Variants in BRCA1 observed in about 807,000 individuals in gnomAD.
BRCA1 encodes BRCA1 DNA repair associated, also known as breast cancer type 1 susceptibility protein.
In BRCA1, 140 loss-of-function variants were observed where a neutral mutation model predicts 173.7. That is an observed-to-expected ratio of 0.81 (90% CI 0.70 to 0.93). The LOEUF (loss-of-function observed/expected upper bound fraction) is 0.93, where lower values mean the gene tolerates loss of function less well. Among genes scored for constraint, BRCA1 ranks in the 40% least tolerant of loss-of-function variants. BRCA1 has a pLI of 0.00. For synonymous variants in BRCA1, 662 were observed against 756.0 expected, an observed-to-expected ratio of 0.88 and a Z score of 2.04; for missense variants, 1,983 against 2,172.5, an observed-to-expected ratio of 0.91 and a Z score of 1.73.
rs1050922820 is a variant in BRCA1 at position 43,049,036 on chromosome 17, C to T, written c.5406+85G>A. 1.9e-5 allele frequency: 24 copies of T among 1,297,254 alleles called. No homozygotes were observed. In the African/African-American group the frequency reaches 2.2e-4, roughly 12 times the overall value. The allele number at this position is 1,297,254 out of a possible 1,614,324, so 80.4% of individuals were successfully genotyped here. ...AAGACTTCTGAGGCTACAGTAGGGG[C>T]ATCCATAGGGACTGACAGGTGCCAG... On this transcript the variant is annotated intron_variant, in intron 21 of 22. Coordinates refer to ENST00000357654, the MANE Select transcript of BRCA1 (RefSeq NM_007294.4).
chr17:43,134,397 C>T (rs1206625963), intron 1 of BRCA1, among the ~76,000 whole-genome samples: 1 of 152,080 alleles, frequency 6.6e-6, no homozygotes, highest in Non-Finnish European at 1.5e-5. Flanking sequence ...TCCTAAAAAG[C>T]AGACAAGAGA....
intron 3 of BRCA1, 28 bp from the exon 4 acceptor site, chr17:43,106,561 A>C: frequency 1.4e-6 from 2 of 1,476,842 alleles, no homozygotes; most frequent in Non-Finnish European, 1.9e-6. Context: ...AGAAAGAACA[A>C]TTTAATTTAC....
intron 11 of BRCA1, among the ~76,000 whole-genome samples, chr17:43,088,223 T>C (rs906123058): frequency 6.6e-6 from 1 of 152,216 alleles, no homozygotes; most frequent in Non-Finnish European, 1.5e-5. Flanking sequence ...ATTTTCACAC[T>C]GTTGTGTTAC....
chr17:43,118,874 G>C (rs1317725769), intron 2 of BRCA1, among the ~76,000 whole-genome samples: 1 of 148,910 alleles, frequency 6.7e-6, no homozygotes, highest in Non-Finnish European at 1.5e-5. Context: ...AGTGATTCTT[G>C]TGCCTCAGCA....
Position 43,050,284 on chromosome 17 carries a change from T to C in BRCA1, c.5332+779A>G, listed in dbSNP as rs949274423. 208 of 391,112 alleles carry C rather than the reference T, an allele frequency of 5.3e-4. 1 individual carries two copies. The highest frequency in any genetic ancestry group is 8.1e-5 in the Non-Finnish European group (18 of 222,042). 24.2% of individuals were successfully genotyped at this position (391,112 alleles called of 1,614,324 possible). A position where few individuals can be genotyped will look rare whatever the true frequency, so the allele number is the denominator to read the frequency against. On this transcript the variant is annotated intron_variant, in intron 20 of 22. Coordinates refer to ENST00000357654, the MANE Select transcript of BRCA1 (RefSeq NM_007294.4). Reference sequence around the variant, plus strand: ...CTTTATAGCAGTCCTAAGCATAACATTGTATTAAGTGTCAAGTTTAATTAG... The same window carrying C: ...CTTTATAGCAGTCCTAAGCATAACACTGTATTAAGTGTCAAGTTTAATTAG...
chr17:43,049,035 G>A (rs2051063838), intron 21 of BRCA1, 86 bp downstream of exon 21: 3 of 1,282,752 alleles, frequency 2.3e-6, no homozygotes, highest in Admixed American at 1.8e-5. Flanking sequence ...TACAGTAGGG[G>A]CATCCATAGG....
Position 43,056,719 on chromosome 17 carries a change from G to T in BRCA1, c.5277+333C>A, listed in dbSNP as rs565025391. On this transcript the variant is annotated intron_variant, in intron 19 of 22. Transcript: ENST00000357654. ...AGAGAGCAAGAGAGAGAGAGAGAAA[G>T]ACACCCCAGTGAAGTGAAAAGAGCA... Among the ~76,000 whole-genome samples, 10 of 151,906 alleles carry T rather than the reference G, an allele frequency of 6.6e-5. No individual in the cohort carries two copies. The East Asian group carries it at 9.7e-4, about 15-fold the overall frequency.
chr17:43,083,310 G>A (rs1051388669), intron 11 of BRCA1, among the ~76,000 whole-genome samples: 3 of 151,730 alleles, frequency 2.0e-5, no homozygotes, highest in Non-Finnish European at 4.4e-5. Flanking sequence ...TGCTTGCCAA[G>A]ACGCCCGGCT....
intron 1 of BRCA1, among the ~76,000 whole-genome samples, chr17:43,134,016 C>G (rs1297547369): frequency 1.3e-5 from 2 of 152,220 alleles, no homozygotes; most frequent in Non-Finnish European, 2.9e-5. Flanking sequence ...CTGCTGGCCA[C>G]TTACCAGCCA....
Position 43,053,704 on chromosome 17 carries a change from G to A in BRCA1, c.5278-2587C>T, listed in dbSNP as rs6503725. ...AAATTTGAAGTTTCAGGCCGGGCGC[G>A]GTGGCCTGTAATCCTAGCACTTTGG... On this transcript the variant is annotated intron_variant, in intron 19 of 22. Coordinates refer to ENST00000357654, the MANE Select transcript of BRCA1 (RefSeq NM_007294.4). Among the ~76,000 whole-genome samples, 20,311 of 151,656 alleles carry A rather than the reference G, an allele frequency of 0.13. 4,289 individuals carry two copies. Among genetic ancestry groups the A allele is most frequent in the African/African-American group, 0.45 (18,594 of 41,358 alleles).
chr17:43,108,632 G>T (rs2054894863), intron 3 of BRCA1, among the ~76,000 whole-genome samples: 1 of 142,842 alleles, frequency 7.0e-6, no homozygotes, highest in Non-Finnish European at 1.5e-5. Flanking sequence ...TGGAACCCAG[G>T]ATGGCAGAGG....
At chr17:43,076,725 G>A in intron 12 of BRCA1, 111 bp from the exon 13 acceptor site, 1 of 1,367,020 alleles carries the variant, frequency 7.3e-7, no homozygotes, top group Non-Finnish European at 1.0e-6. Flanking sequence ...TACACAAATT[G>A]GTTTTTAAAC....
intron 18 of BRCA1, among the ~76,000 whole-genome samples, chr17:43,060,046 C>T (rs537555686): frequency 6.6e-6 from 1 of 152,104 alleles, no homozygotes; most frequent in Non-Finnish European, 1.5e-5. Flanking sequence ...GCTGTGATTA[C>T]AGGCACATGC....
At chr17:43,157,187 G>C (rs544716877) in intron 1 of BRCA1, among the ~76,000 whole-genome samples, 3 of 152,370 alleles carry the variant, frequency 2.0e-5, no homozygotes, top group African/African-American at 7.2e-5. Context: ...GTGACTTAGA[G>C]TCCAGCAGAA....
chr17:43,079,193 A>G, intron 12 of BRCA1: 1 of 738,770 alleles, frequency 1.4e-6, no homozygotes, highest in South Asian at 1.6e-5. Flanking sequence ...ACAAAACAAA[A>G]CAAAACAAAA....
chr17:43,076,711 A>G (rs1032757749), intron 12 of BRCA1, 97 bp from the exon 13 acceptor site: 10 of 1,452,590 alleles, frequency 6.9e-6, no homozygotes, highest in Non-Finnish European at 9.5e-6. Context: ...GCATCAATCT[A>G]TGATACACAA....
At chr17:43,063,760 C>T in intron 17 of BRCA1, 114 bp downstream of exon 17, 1 of 810,324 alleles carries the variant, frequency 1.2e-6, no homozygotes. Flanking sequence ...CAATTAAAGA[C>T]CTTTTGGTAA....
intron 1 of BRCA1, among the ~76,000 whole-genome samples, chr17:43,149,272 T>G (rs1164663227): frequency 6.6e-6 from 1 of 151,576 alleles, no homozygotes; most frequent in African/African-American, 2.4e-5. Flanking sequence ...CTAGTTTTTT[T>G]TTTTTTTTTT....
At chr17:43,099,347 C>T (rs914274060) in intron 7 of BRCA1, among the ~76,000 whole-genome samples, 12 of 150,862 alleles carry the variant, frequency 8.0e-5, no homozygotes, top group African/African-American at 2.9e-4. Flanking sequence ...CTCGGTTCAC[C>T]GCAACCTCCA....
Sources: gnomAD v4.1 joint callset for allele counts (sites outside exome capture counted in the v4.1 genomes callset) on GRCh38, gnomAD v4.1.1 for gene constraint, MANE v1.5 for transcripts, NCBI Gene and HGNC (gene_info 2026-07-23, HGNC 2026-07-21) for gene names.